The following SHTN1 variants were observed in gnomAD, a reference collection of about 807,000 sequenced individuals.
SHTN1 encodes shootin 1, also known as shootin-1.
A neutral mutation model predicts 83.1 loss-of-function variants in SHTN1; 42 were observed. The observed-to-expected ratio is 0.51, with a 90% CI of 0.39 to 0.65. The LOEUF (loss-of-function observed/expected upper bound fraction) is 0.65. Ranked by LOEUF, SHTN1 falls within the 30% of genes least tolerant of loss-of-function variation. The pLI is 0.00. For missense variants in SHTN1, 622 were observed against 737.8 expected, an observed-to-expected ratio of 0.84 and a Z score of 1.82; for synonymous variants, 224 against 247.7, an observed-to-expected ratio of 0.90 and a Z score of 0.90.
chr10:116,990,287 CTT>C (rs11399364), intron 1 of SHTN1, among the ~76,000 whole-genome samples: 5 of 119,886 alleles, frequency 4.2e-5, no homozygotes, highest in South Asian at 2.8e-4. Context: ...TTTTTTCTTT[CTT>C]TTTTTTTTTT....
chr10:116,973,876 T>C, intron 2 of SHTN1: 1 of 1,286,444 alleles, frequency 7.8e-7, no homozygotes, highest in Non-Finnish European at 1.0e-6. Flanking sequence ...ATCCTTGGCA[T>C]ACAATGAAAG....
In SHTN1 at chr10:117,035,603, T is replaced by C. The variant is rs974230063; in HGVS notation, c.-123+12842A>G. Among the ~76,000 whole-genome samples the C allele has an allele frequency of 2.6e-5, 4 of 152,016 alleles. No homozygotes were observed. The South Asian group carries it at 6.2e-4, about 24-fold the overall frequency. On this transcript the variant is annotated intron_variant, in intron 2 of 17. Coordinates refer to the SHTN1 transcript ENST00000392901. ...CTGACGGGGATTAATAACCAGAATA[T>C]GTAAGGAGCTCAAACAACTCTATAG...
Position 116,884,452 on chromosome 10 carries a change from A to G in SHTN1, c.*1892T>C, listed in dbSNP as rs931812173. On this transcript the variant is annotated 3_prime_UTR_variant, in exon 17 of 17. Coordinates refer to ENST00000355371, the MANE Select transcript of SHTN1 (RefSeq NM_001127211.3). The stretch of plus-strand genomic sequence containing the variant: ...GAATACTTTCAAAATACCTGTTACT[A>G]ATTGTTCCCTAGTCCAGCTAACACA... 5.6e-6 allele frequency: 2 copies of G among 354,344 alleles called. No homozygotes were observed. Among genetic ancestry groups the G allele is most frequent in the African/African-American group, 4.3e-5 (2 of 46,830 alleles). The allele number at this position is 354,344 out of a possible 1,614,324, so 21.9% of individuals were successfully genotyped here.
intron 16 of SHTN1, chr10:116,900,953 T>C (rs1847710433): frequency 2.0e-6 from 2 of 985,358 alleles, no homozygotes; most frequent in African/African-American, 1.7e-5. Flanking sequence ...ACTTCATTTG[T>C]CCAGGTTTCA....
At chr10:116,962,818 A>G (rs940314427) in intron 3 of SHTN1, among the ~76,000 whole-genome samples, 1 of 151,972 alleles carries the variant, frequency 6.6e-6, no homozygotes, top group Non-Finnish European at 1.5e-5. Context: ...TAAATTGCGC[A>G]TTAATTTTTA....
intron 1 of SHTN1, among the ~76,000 whole-genome samples, chr10:117,055,758 C>T (rs1330297546): frequency 6.6e-6 from 1 of 152,176 alleles, no homozygotes; most frequent in Non-Finnish European, 1.5e-5. Context: ...GTCCTAGCTA[C>T]TCAGGAGGCT....
upstream of SHTN1, among the ~76,000 whole-genome samples, chr10:117,007,813 C>T (rs750665410): frequency 4.1e-4 from 63 of 151,910 alleles, no homozygotes; most frequent in Non-Finnish European, 6.2e-4. Context: ...GAGATTGAGA[C>T]CATCCTGGCT....
intron 6 of SHTN1, among the ~76,000 whole-genome samples, chr10:116,950,240 T>C (rs926688922): frequency 6.6e-5 from 10 of 152,246 alleles, no homozygotes; most frequent in African/African-American, 2.4e-4. Flanking sequence ...TCATAGCTCA[T>C]TGCAGCCTGG....
intron 1 of SHTN1, among the ~76,000 whole-genome samples, chr10:117,058,090 A>C (rs974686299): frequency 6.6e-6 from 1 of 152,234 alleles, no homozygotes; most frequent in African/African-American, 2.4e-5. Flanking sequence ...AGGGAAACAC[A>C]GAGCAAAATC....
intron 2 of SHTN1, among the ~76,000 whole-genome samples, chr10:117,024,114 A>T (rs75732203): frequency 3.3e-5 from 5 of 149,748 alleles, no homozygotes; most frequent in Non-Finnish European, 5.9e-5. Flanking sequence ...GAATTTTTTT[A>T]AAAATTATGC....
intron 2 of SHTN1, among the ~76,000 whole-genome samples, chr10:117,013,056 C>A (rs545729998): frequency 5.9e-5 from 9 of 151,892 alleles, no homozygotes; most frequent in Non-Finnish European, 1.2e-4. Context: ...GGCAACAGAA[C>A]AAGACCCCAT....
intron 11 of SHTN1, among the ~76,000 whole-genome samples, chr10:116,925,813 G>A (rs1220539224): frequency 1.3e-5 from 2 of 152,054 alleles, no homozygotes; most frequent in Non-Finnish European, 2.9e-5. Context: ...GGGAAAAGCA[G>A]TAAGCCACTT....
At chr10:117,091,431 G>A (rs1853428642) in intron 1 of SHTN1, among the ~76,000 whole-genome samples, 1 of 152,222 alleles carries the variant, frequency 6.6e-6, no homozygotes, top group Admixed American at 6.5e-5. Context: ...TTAAATGACA[G>A]ACATGACCTT....
chr10:117,006,723 C>A (rs920127193), upstream of SHTN1, among the ~76,000 whole-genome samples: 3 of 152,046 alleles, frequency 2.0e-5, no homozygotes, highest in African/African-American at 7.2e-5. Flanking sequence ...TTCTCACTAC[C>A]TCTAAGCTCT....
chr10:116,891,673 T>C (rs1383354360), intron 16 of SHTN1, among the ~76,000 whole-genome samples: 1 of 152,118 alleles, frequency 6.6e-6, no homozygotes, highest in African/African-American at 2.4e-5. Context: ...ACAGCAGAGG[T>C]AGTTTTGATT....
At chr10:117,107,637 A>G (rs533595420) in intron 1 of SHTN1, among the ~76,000 whole-genome samples, 1 of 152,344 alleles carries the variant, frequency 6.6e-6, no homozygotes, top group South Asian at 2.1e-4. Context: ...AAAACTAGTC[A>G]GAATGTGTTT....
At chr10:116,955,916 T>C (rs1296481322) in intron 4 of SHTN1, among the ~76,000 whole-genome samples, 1 of 152,186 alleles carries the variant, frequency 6.6e-6, no homozygotes, top group African/African-American at 2.4e-5. Flanking sequence ...GGCCCATCAT[T>C]TCCCAACACC....
chr10:117,097,064 A>ACAC (rs1853514553), intron 1 of SHTN1, among the ~76,000 whole-genome samples: 1 of 110,454 alleles, frequency 9.1e-6, no homozygotes. Context: ...CACACACACA[A>ACAC]AGGAAAAAGG....
intron 16 of SHTN1, among the ~76,000 whole-genome samples, chr10:116,897,977 A>G (rs930535150): frequency 1.3e-5 from 2 of 152,128 alleles, no homozygotes; most frequent in South Asian, 2.1e-4. Context: ...GCAACACTTA[A>G]TTATTCTATT....
Sources: gnomAD v4.1 joint callset for allele counts (sites outside exome capture counted in the v4.1 genomes callset) on GRCh38, gnomAD v4.1.1 for gene constraint, MANE v1.5 for transcripts, NCBI Gene and HGNC (gene_info 2026-07-23, HGNC 2026-07-21) for gene names.